RNF11: variants seen among roughly 807,000 people sequenced by gnomAD.
The protein encoded by RNF11 is ring finger protein 11.
In RNF11, 4 loss-of-function variants were observed where a neutral mutation model predicts 15.8. The ratio of observed to expected loss-of-function variants is 0.25; its 90% CI spans 0.12 to 0.58. The LOEUF (loss-of-function observed/expected upper bound fraction) is 0.58. Among genes scored for constraint, RNF11 ranks in the 20% least tolerant of loss-of-function variants. The pLI is 0.91. For synonymous variants in RNF11, 68 were observed against 72.3 expected, an observed-to-expected ratio of 0.94 and a Z score of 0.30; for missense variants, 139 against 194.4, an observed-to-expected ratio of 0.71 and a Z score of 1.70.
At chr1:51,238,349 G>A (rs1259976141) in intron 1 of RNF11, among the ~76,000 whole-genome samples, 1 of 151,922 alleles carries the variant, frequency 6.6e-6, no homozygotes, top group African/African-American at 2.4e-5. Flanking sequence ...CCTTGTAATC[G>A]CCTCCTTCAG....
chr1:51,237,444 A>ATATATATATATATATATATGTG (rs1646810139), intron 1 of RNF11, among the ~76,000 whole-genome samples: 1 of 126,500 alleles, frequency 7.9e-6, no homozygotes, highest in African/African-American at 2.8e-5. Flanking sequence ...ATATATGTGT[A>ATATATATATATATATATATGTG]TATATATATA....
At chr1:51,240,067 A>G (rs1646821815) in intron 1 of RNF11, among the ~76,000 whole-genome samples, 1 of 152,202 alleles carries the variant, frequency 6.6e-6, no homozygotes, top group African/African-American at 2.4e-5. Flanking sequence ...TCCTCAATAC[A>G]ACAGCCACAG....
chr1:51,270,516 G>T (rs1414810985), intron 2 of RNF11, among the ~76,000 whole-genome samples: 1 of 152,192 alleles, frequency 6.6e-6, no homozygotes, highest in African/African-American at 2.4e-5. Context: ...GGGAGGCTGA[G>T]GTGGGAGAAT....
In RNF11 at chr1:51,272,922, G is replaced by A. The variant is rs1646986536; in HGVS notation, c.*1600G>A. ...CTTTGTAAAGATTTGACATTCAACT[G>A]TAGTATCCATATGTTGCTTAAATTT... On this transcript the variant is annotated 3_prime_UTR_variant, in exon 3 of 3. Transcript: ENST00000242719. The A allele has an allele frequency of 6.6e-6, 1 of 152,126 alleles. No individual in the cohort carries two copies. The highest frequency in any genetic ancestry group is 1.9e-4 in the East Asian group (1 of 5,198). The allele number at this position is 152,126 out of a possible 1,614,324, so 9.4% of individuals were successfully genotyped here.
chr1:51,252,836 T>TGTGTGTGTGTGTGTGTGTGTG (rs1646886118), intron 1 of RNF11, among the ~76,000 whole-genome samples: 2 of 151,422 alleles, frequency 1.3e-5, no homozygotes, highest in African/African-American at 4.9e-5. Flanking sequence ...TGTGTGTGTG[T>TGTGTGTGTGTGTGTGTGTGTG]TTGGGGGGGA....
intron 1 of RNF11, among the ~76,000 whole-genome samples, chr1:51,266,668 G>T (rs180715534): frequency 2.0e-5 from 3 of 152,162 alleles, no homozygotes; most frequent in Non-Finnish European, 2.9e-5. Flanking sequence ...TCACCATGTT[G>T]CCCAGGCTGG....
intron 1 of RNF11, among the ~76,000 whole-genome samples, chr1:51,254,074 A>AT (rs1646893261): frequency 6.6e-6 from 1 of 152,216 alleles, no homozygotes; most frequent in Non-Finnish European, 1.5e-5. Context: ...CAGTGGAAAA[A>AT]TATGTTCCAC....
At chr1:51,244,152 C>A (rs1458859550) in intron 1 of RNF11, among the ~76,000 whole-genome samples, 1 of 152,164 alleles carries the variant, frequency 6.6e-6, no homozygotes, top group East Asian at 1.9e-4. Flanking sequence ...GAATTCAAGT[C>A]TGGTTCATTT....
Position 51,236,838 on chromosome 1 carries a change from G to T in RNF11, c.82G>T (p.Glu28Ter). 6.2e-7 allele frequency: 1 copy of T among 1,612,862 alleles called. No homozygotes were observed. Among genetic ancestry groups the T allele is most frequent in the Non-Finnish European group, 8.5e-7 (1 of 1,179,436 alleles). ...TCAGTCCGACCGGGCTAGCTTTGGCGAGGGGACGGAGCCGGATCAGGAGCC... is the reference window on the plus strand; with the variant it reads ...TCAGTCCGACCGGGCTAGCTTTGGCTAGGGGACGGAGCCGGATCAGGAGCC... ...ESQSDRASFG[E>*]GTEPDQEPPP... is the part of the protein sequence containing the mutation. Residue 28 changes from glutamate (E) to a stop codon, truncating the protein, a stop_gained, in exon 1 of 3, where the codon GAG becomes TAG. Coordinates refer to ENST00000242719, the MANE Select transcript of RNF11 (RefSeq NM_014372.5). LOFTEE classifies it high-confidence loss of function.
chr1:51,264,637 C>A (rs1437399709), intron 1 of RNF11, among the ~76,000 whole-genome samples: 1 of 152,114 alleles, frequency 6.6e-6, no homozygotes, highest in Non-Finnish European at 1.5e-5. Flanking sequence ...GCTCTTATTT[C>A]CTACTGGAGG....
chr1:51,266,570 C>G (rs1390166510), intron 1 of RNF11, among the ~76,000 whole-genome samples: 1 of 152,058 alleles, frequency 6.6e-6, no homozygotes, highest in Non-Finnish European at 1.5e-5. Flanking sequence ...TCAAGCGATC[C>G]TGCTGCCTCA....
chr1:51,261,670 G>A (rs933908506), intron 1 of RNF11, among the ~76,000 whole-genome samples: 12 of 151,498 alleles, frequency 7.9e-5, no homozygotes, highest in African/African-American at 2.7e-4. Context: ...CTCCCACCAC[G>A]CCCTGTCTGT....
At chr1:51,252,463 A>G (rs1569665784) in intron 1 of RNF11, among the ~76,000 whole-genome samples, 1 of 152,014 alleles carries the variant, frequency 6.6e-6, no homozygotes, top group African/African-American at 2.4e-5. Context: ...AAAAATACAA[A>G]AATTAGCTGG....
chr1:51,237,441 T>C (rs1176699977), intron 1 of RNF11, among the ~76,000 whole-genome samples: 2 of 138,758 alleles, frequency 1.4e-5, no homozygotes, highest in African/African-American at 5.2e-5. Flanking sequence ...TATATATATG[T>C]GTATATATAT....
chr1:51,266,340 A>G (rs1275029911), intron 1 of RNF11, among the ~76,000 whole-genome samples: 1 of 152,124 alleles, frequency 6.6e-6, no homozygotes, highest in Non-Finnish European at 1.5e-5. Context: ...TGTTGGGTGT[A>G]ATTTATATCA....
At chr1:51,266,445 T>C (rs901655377) in intron 1 of RNF11, among the ~76,000 whole-genome samples, 6 of 152,100 alleles carry the variant, frequency 3.9e-5, no homozygotes, top group African/African-American at 1.4e-4. Context: ...CTTTTTCTTA[T>C]TGTTATTTAA....
chr1:51,249,029 G>T (rs914532229), intron 1 of RNF11, among the ~76,000 whole-genome samples: 8 of 152,174 alleles, frequency 5.3e-5, no homozygotes, highest in African/African-American at 1.9e-4. Flanking sequence ...GGGTGTACAG[G>T]TTATGTGCAA....
At chr1:51,240,247 TC>T (rs1646822567) in intron 1 of RNF11, among the ~76,000 whole-genome samples, 1 of 152,326 alleles carries the variant, frequency 6.6e-6, no homozygotes, top group Non-Finnish European at 1.5e-5. Flanking sequence ...TTTGTTGGCT[TC>T]CCTCCAGCTT....
rs1241924818 is a variant in RNF11 at position 51,237,010 on chromosome 1, ATCTGAGGGCATT to A, written c.123+133_123+144del. ...GGCGGCATTGACCCCTTAGGGCTGG[ATCTGAGGGCATT>A]TGCTCTCTGATCTCAGAGTAAGGTT... On this transcript the variant is annotated intron_variant, in intron 1 of 2. Coordinates refer to ENST00000242719, the MANE Select transcript of RNF11 (RefSeq NM_014372.5). 4.2e-6 allele frequency: 5 copies of A among 1,193,502 alleles called. No homozygotes were observed. In the Admixed American group the frequency reaches 8.8e-5, roughly 21 times the overall value. The allele number at this position is 1,193,502 out of a possible 1,614,324, so 73.9% of individuals were successfully genotyped here.
Sources: allele counts gnomAD v4.1 joint callset (sites outside exome capture counted in the v4.1 genomes callset), GRCh38; gene constraint gnomAD v4.1.1; transcripts MANE v1.5; gene names NCBI Gene and HGNC (gene_info 2026-07-23, HGNC 2026-07-21).